The following IGSF11 variants were observed in gnomAD, a reference collection of about 807,000 sequenced individuals.
The protein encoded by IGSF11 is immunoglobulin superfamily member 11.
A neutral mutation model predicts 41.0 loss-of-function variants in IGSF11; 22 were observed. The observed-to-expected ratio is 0.54, with a 90% CI of 0.38 to 0.77. The LOEUF (loss-of-function observed/expected upper bound fraction) is 0.77. Ranked by LOEUF, IGSF11 falls within the 30% of genes least tolerant of loss-of-function variation. The pLI, the probability that IGSF11 is intolerant of heterozygous loss-of-function variation, is 0.00. For synonymous variants in IGSF11, 219 were observed against 201.3 expected (o/e 1.09, Z -0.74); for missense variants, 444 against 530.8 (o/e 0.84, Z 1.61).
intron 1 of IGSF11, among the ~76,000 whole-genome samples, chr3:119,140,375 A>G (rs2077627011): frequency 6.6e-6 from 1 of 152,200 alleles, no homozygotes; most frequent in Non-Finnish European, 1.5e-5. Flanking sequence ...TTACTTGAAA[A>G]AGTACATTTT....
Position 118,902,223 on chromosome 3 carries a change from G to A in IGSF11, c.*297C>T, listed in dbSNP as rs1010644196. 10 of 273,636 alleles carry A rather than the reference G, an allele frequency of 3.7e-5. No homozygotes were observed. Among genetic ancestry groups the A allele is most frequent in the Non-Finnish European group, 6.2e-5 (9 of 145,230 alleles). The allele number at this position is 273,636 out of a possible 1,614,324, so 17.0% of individuals were successfully genotyped here. ...GCATGAAGAACAAGCCCATCTGGGC[G>A]GCAGTTTGGATTTTAAGTACTATTC... On this transcript the variant is annotated 3_prime_UTR_variant, in exon 7 of 7. Coordinates refer to ENST00000393775, the MANE Select transcript of IGSF11 (RefSeq NM_001015887.3).
intron 1 of IGSF11, among the ~76,000 whole-genome samples, chr3:118,948,873 C>G (rs1368030948): frequency 2.0e-5 from 3 of 150,458 alleles, no homozygotes; most frequent in Admixed American, 1.3e-4. Context: ...TCGGGAGGCT[C>G]AGGCAGGAGA....
chr3:119,063,552 C>T (rs1245239891), intron 1 of IGSF11, among the ~76,000 whole-genome samples: 1 of 152,130 alleles, frequency 6.6e-6, no homozygotes, highest in Non-Finnish European at 1.5e-5. Flanking sequence ...GCTTTGAGTA[C>T]AATGGTTACA....
intron 1 of IGSF11, among the ~76,000 whole-genome samples, chr3:119,003,630 A>C (rs1937142177): frequency 6.6e-6 from 1 of 151,708 alleles, no homozygotes; most frequent in African/African-American, 2.4e-5. Context: ...ATTTTGAAAT[A>C]TGTCCCATCA....
chr3:118,973,268 C>T (rs1339996041), intron 1 of IGSF11, among the ~76,000 whole-genome samples: 2 of 152,190 alleles, frequency 1.3e-5, no homozygotes, highest in African/African-American at 2.4e-5. Context: ...CAGAATGGAG[C>T]ATGGACATCC....
intron 4 of IGSF11, among the ~76,000 whole-genome samples, chr3:118,908,676 T>C (rs1436844419): frequency 1.3e-5 from 2 of 152,206 alleles, no homozygotes; most frequent in Non-Finnish European, 1.5e-5. Context: ...CACTCCACTG[T>C]TTTAGTTCAT....
Position 118,911,952 on chromosome 3 carries a change from G to A in IGSF11, c.581-6234C>T, listed in dbSNP as rs574043538. Among the ~76,000 whole-genome samples the A allele has an allele frequency of 5.1e-4, 78 of 152,238 alleles. 1 individual carries two copies. Among genetic ancestry groups the A allele is most frequent in the African/African-American group, 1.3e-3 (55 of 41,550 alleles). ...CTACACAGAGTTCACAGGCAAGCACGAGAGATAATCATCTCTCTTCACTGT... is the reference window on the plus strand; with the variant it reads ...CTACACAGAGTTCACAGGCAAGCACAAGAGATAATCATCTCTCTTCACTGT... On this transcript the variant is annotated intron_variant, in intron 4 of 6. Coordinates refer to ENST00000393775, the MANE Select transcript of IGSF11 (RefSeq NM_001015887.3).
intron 1 of IGSF11, among the ~76,000 whole-genome samples, chr3:119,044,993 G>A (rs1484955291): frequency 6.6e-6 from 1 of 151,940 alleles, no homozygotes. Flanking sequence ...CAATAACACA[G>A]TTAAAAAAAG....
intron 1 of IGSF11, among the ~76,000 whole-genome samples, chr3:119,132,810 T>A (rs1331802370): frequency 6.6e-6 from 1 of 152,150 alleles, no homozygotes; most frequent in East Asian, 1.9e-4. Flanking sequence ...GACCACATAC[T>A]TGGAAGTAAA....
chr3:118,958,818 G>A (rs1945136339), intron 1 of IGSF11, among the ~76,000 whole-genome samples: 1 of 152,178 alleles, frequency 6.6e-6, no homozygotes, highest in Admixed American at 6.5e-5. Context: ...CGATGAAACA[G>A]AAGTATAGAC....
intron 1 of IGSF11, among the ~76,000 whole-genome samples, chr3:119,102,709 T>A (rs1320358340): frequency 2.0e-5 from 3 of 152,224 alleles, no homozygotes; most frequent in African/African-American, 7.2e-5. Context: ...CTAAATTTTT[T>A]GTGGATTCTG....
At chr3:119,112,540 C>T (rs9865644) in intron 1 of IGSF11, 25,663 of 152,458 alleles carry the variant, frequency 0.17, 2,643 homozygotes, top group Non-Finnish European at 0.24. Flanking sequence ...TGACCCCTTG[C>T]GCTTCCCGAG....
chr3:119,103,665 A>G (rs1181597215), intron 1 of IGSF11, among the ~76,000 whole-genome samples: 1 of 152,192 alleles, frequency 6.6e-6, no homozygotes, highest in Non-Finnish European at 1.5e-5. Context: ...GCTGTATCCA[A>G]TGCAGAGTCT....
At chr3:118,949,160 A>C (rs1944392437) in intron 1 of IGSF11, 1 of 152,134 alleles carries the variant, frequency 6.6e-6, no homozygotes, top group Non-Finnish European at 1.5e-5. Flanking sequence ...CAGAGAGTCC[A>C]CAGAAAATGT....
At chr3:118,952,352 C>T (rs1198280028) in intron 1 of IGSF11, among the ~76,000 whole-genome samples, 1 of 152,128 alleles carries the variant, frequency 6.6e-6, no homozygotes, top group Non-Finnish European at 1.5e-5. Flanking sequence ...CTGTAGCAGG[C>T]AATGCTGTTT....
At chr3:119,017,309 G>A (rs1020770817) in intron 1 of IGSF11, among the ~76,000 whole-genome samples, 3 of 151,784 alleles carry the variant, frequency 2.0e-5, no homozygotes, top group African/African-American at 7.3e-5. Context: ...TGAACTATAT[G>A]GTGGAGCATC....
rs1673354242 is a variant in IGSF11, at chr3:118,926,031, T to C, written c.580+70A>G. On this transcript the variant is annotated intron_variant, in intron 4 of 6. Coordinates refer to ENST00000393775, the MANE Select transcript of IGSF11 (RefSeq NM_001015887.3). ...TGTTATTTTTCAAAACCTATTAAAG[T>C]TAATTACTTTTTGAATATTAGAATT... 6 of 1,178,778 alleles carry C rather than the reference T, an allele frequency of 5.1e-6. No homozygotes were observed. The South Asian group carries it at 1.3e-4, about 25-fold the overall frequency. The allele number at this position is 1,178,778 out of a possible 1,614,324, so 73.0% of individuals were successfully genotyped here.
chr3:119,115,696 G>A (rs1275908823), intron 1 of IGSF11, among the ~76,000 whole-genome samples: 1 of 151,896 alleles, frequency 6.6e-6, no homozygotes, highest in Non-Finnish European at 1.5e-5. Flanking sequence ...TCATTCTGTG[G>A]GTTGTCTCTT....
rs574399422 is a variant in IGSF11 at position 118,939,293 on chromosome 3, G to A, written c.53-9018C>T. ...TGTATTTTTTTTTTTAAATCACTTC[G>A]GGCCAGGTGTGGTGGCTCAAGCCTG... On this transcript the variant is annotated intron_variant, in intron 1 of 6. Transcript: ENST00000393775. 9.9e-5 allele frequency among the ~76,000 whole-genome samples: 15 copies of A among 151,582 alleles called. No individual in the cohort carries two copies. In the South Asian group the frequency reaches 1.3e-3, roughly 13 times the overall value.
Sources: allele counts gnomAD v4.1 joint callset (sites outside exome capture counted in the v4.1 genomes callset), GRCh38; gene constraint gnomAD v4.1.1; transcripts MANE v1.5; gene names NCBI Gene and HGNC (gene_info 2026-07-23, HGNC 2026-07-21).